Variants in CIMAP3 observed in about 807,000 individuals in gnomAD.
CIMAP3 encodes ciliary microtubule-associated protein 3.
At chr1:111,335,145 AAAAAAAAAGAC>A in the CIMAP3 span, among the ~76,000 whole-genome samples, 6 of 139,644 alleles carry the variant, frequency 4.3e-5, no homozygotes, top group Non-Finnish European at 9.5e-5. Flanking sequence ...AAAAAAAAAA[AAAAAAAAAGAC>A]AGAAAAAAAA....
At chr1:111,346,979 A>G in the CIMAP3 span, 2 of 1,613,830 alleles carry the variant, frequency 1.2e-6, no homozygotes, top group African/African-American at 2.7e-5. Flanking sequence ...CATCCCCCGA[A>G]TTTGATTGGG....
At chr1:111,346,598 T>C in the CIMAP3 span, 1 of 1,611,948 alleles carries the variant, frequency 6.2e-7, no homozygotes, top group South Asian at 1.1e-5. Context: ...ATCACGGGAC[T>C]AGCCTTCGTT....
At chr1:111,332,002 T>G in the CIMAP3 span, among the ~76,000 whole-genome samples, 1 of 152,200 alleles carries the variant, frequency 6.6e-6, no homozygotes, top group Non-Finnish European at 1.5e-5. Flanking sequence ...CTCAGTGGCT[T>G]AGGCTGAGAG....
At chr1:111,348,838 C>G in the CIMAP3 span, 1 of 552,446 alleles carries the variant, frequency 1.8e-6, no homozygotes, top group East Asian at 3.7e-5. Flanking sequence ...GTTACTCATT[C>G]AATGAATTTT....
At chr1:111,340,068 T>C in the CIMAP3 span, among the ~76,000 whole-genome samples, 3 of 152,006 alleles carry the variant, frequency 2.0e-5, no homozygotes, top group African/African-American at 7.3e-5. Flanking sequence ...TACAACTATC[T>C]GATCTTTGAC....
the CIMAP3 span, among the ~76,000 whole-genome samples, chr1:111,346,063 G>T: frequency 6.6e-6 from 1 of 151,904 alleles, no homozygotes; most frequent in Non-Finnish European, 1.5e-5. Flanking sequence ...CATTCTACCC[G>T]GTCCACGCAA....
At chr1:111,348,812 A>G in the CIMAP3 span, 1 of 700,780 alleles carries the variant, frequency 1.4e-6, no homozygotes, top group Non-Finnish European at 2.2e-6. Context: ...CTGGCATTGT[A>G]GAATGTAGAA....
chr1:111,324,810 A>G, the CIMAP3 span: 18 of 985,160 alleles, frequency 1.8e-5, no homozygotes, highest in Non-Finnish European at 2.0e-5. Context: ...GGTCCATGCT[A>G]TCTTCTCTAC....
At chr1:111,347,796 T>A in the CIMAP3 span, 1 of 1,544,280 alleles carries the variant, frequency 6.5e-7, no homozygotes, top group Non-Finnish European at 9.0e-7. Context: ...ATTTTAGTGT[T>A]ATCCACGTTG....
At chr1:111,326,656 G>A in the CIMAP3 span, among the ~76,000 whole-genome samples, 5 of 151,854 alleles carry the variant, frequency 3.3e-5, no homozygotes, top group African/African-American at 1.2e-4. Flanking sequence ...TTAGATTTTT[G>A]CAATTTCCAT....
chr1:111,346,846 C>T, the CIMAP3 span: 1 of 1,593,666 alleles, frequency 6.3e-7, no homozygotes, highest in South Asian at 1.1e-5. Flanking sequence ...CCTTCCCCTC[C>T]CGGAACGCGC....
At chr1:111,338,719 A>G in the CIMAP3 span, among the ~76,000 whole-genome samples, 2 of 152,216 alleles carry the variant, frequency 1.3e-5, no homozygotes, top group East Asian at 3.9e-4. Context: ...TCAATAGCTT[A>G]CCAACCAAAA....
the CIMAP3 span, among the ~76,000 whole-genome samples, chr1:111,327,044 T>A: frequency 6.6e-6 from 1 of 152,208 alleles, no homozygotes; most frequent in Non-Finnish European, 1.5e-5. Flanking sequence ...ACAGGTTATC[T>A]CTTCACTCTA....
At chr1:111,328,836 A>AG in the CIMAP3 span, among the ~76,000 whole-genome samples, 6,928 of 152,254 alleles carry the variant, frequency 0.046, 326 homozygotes, top group African/African-American at 0.11. Flanking sequence ...TGGGGCATTC[A>AG]GCCCAGTTAC....
chr1:111,342,764 A>G, the CIMAP3 span, among the ~76,000 whole-genome samples: 49 of 152,352 alleles, frequency 3.2e-4, no homozygotes, highest in Non-Finnish European at 6.6e-4. Context: ...CCATCTCAGT[A>G]TCACTTTTTC....
the CIMAP3 span, chr1:111,347,109 G>C: frequency 6.7e-7 from 1 of 1,502,954 alleles, no homozygotes; most frequent in Non-Finnish European, 8.9e-7. Flanking sequence ...GGATAGCCAA[G>C]TTTCCAAGTT....
chr1:111,342,386 C>T, the CIMAP3 span, among the ~76,000 whole-genome samples: 1 of 152,330 alleles, frequency 6.6e-6, no homozygotes, highest in African/African-American at 2.4e-5. Context: ...TTCCTGGTCC[C>T]TTTCTCTTTC....
chr1:111,325,437 G>T, the CIMAP3 span, among the ~76,000 whole-genome samples: 63 of 152,242 alleles, frequency 4.1e-4, no homozygotes, highest in African/African-American at 1.5e-3. Context: ...TTTTAAGAAA[G>T]TCTGGAAGAT....
At chr1:111,341,373 CTT>C in the CIMAP3 span, among the ~76,000 whole-genome samples, 1 of 151,600 alleles carries the variant, frequency 6.6e-6, no homozygotes, top group African/African-American at 2.4e-5. Flanking sequence ...AAAAAAAAAT[CTT>C]TTAATCATCT....
Sources: allele counts gnomAD v4.1 joint callset (sites outside exome capture counted in the v4.1 genomes callset), GRCh38; gene constraint gnomAD v4.1.1; transcripts MANE v1.5; gene names NCBI Gene and HGNC (gene_info 2026-07-23, HGNC 2026-07-21).